The following PTPRN2 variants were observed in gnomAD, a reference collection of about 807,000 sequenced individuals.
PTPRN2 encodes the protein protein tyrosine phosphatase receptor type N2, also known as receptor-type tyrosine-protein phosphatase N2.
PTPRN2 carries 74 observed loss-of-function variants against 118.8 expected under a neutral mutation model. The ratio of observed to expected loss-of-function variants is 0.62; its 90% CI spans 0.52 to 0.76. PTPRN2 has a LOEUF of 0.76. PTPRN2 is among the 30% of genes least tolerant of loss of function. The probability of loss-of-function intolerance (pLI) is 0.00; values close to 1 mark genes in which losing one functional copy is unlikely to be tolerated. For synonymous variants in PTPRN2, 641 were observed against 608.0 expected (o/e 1.05, Z -0.80); for missense variants, 1,481 against 1,394.4 (o/e 1.06, Z -0.99).
chr7:158,566,378 C>T (rs1299513227), intron 1 of PTPRN2, among the ~76,000 whole-genome samples: 1 of 151,996 alleles, frequency 6.6e-6, no homozygotes, highest in African/African-American at 2.4e-5. Context: ...AGTGGCCAAG[C>T]TTTAGCTCCT....
At chr7:158,234,035 G>A (rs193139034) in intron 3 of PTPRN2, among the ~76,000 whole-genome samples, 1 of 152,174 alleles carries the variant, frequency 6.6e-6, no homozygotes, top group African/African-American at 2.4e-5. Flanking sequence ...AAAACACTAA[G>A]GAAACACTCC....
chr7:157,910,806 A>C (rs1245265387), intron 11 of PTPRN2, among the ~76,000 whole-genome samples: 3 of 152,356 alleles, frequency 2.0e-5, no homozygotes, highest in Middle Eastern at 3.4e-3. Context: ...CGCGGCAACA[A>C]CACAAAACAC....
chr7:158,577,283 C>G (rs1586973090), intron 1 of PTPRN2, among the ~76,000 whole-genome samples: 3 of 117,076 alleles, frequency 2.6e-5, no homozygotes, highest in Admixed American at 1.7e-4. Context: ...ACTGAGGGCT[C>G]CCCACCCTGC....
Position 158,438,638 on chromosome 7 carries a change from C to T in PTPRN2, c.163+51097G>A, listed in dbSNP as rs1180054897. On this transcript the variant is annotated intron_variant, in intron 2 of 22. Transcript: ENST00000389418. The surrounding 1 kb of genome is among the most constrained non-coding windows in gnomAD (Gnocchi z 4.7). Reference sequence around the variant, plus strand: ...TAGCCAAGAGAAGGTCAGTTCTGATCGTTGTTGATTTTCCTGGAATTTGCT... The same window carrying T: ...TAGCCAAGAGAAGGTCAGTTCTGATTGTTGTTGATTTTCCTGGAATTTGCT... Among the ~76,000 whole-genome samples, 2 of 152,110 alleles carry T rather than the reference C, an allele frequency of 1.3e-5. No homozygotes were observed. The highest frequency in any genetic ancestry group is 2.4e-5 in the African/African-American group (1 of 41,422).
intron 2 of PTPRN2, among the ~76,000 whole-genome samples, chr7:158,394,345 G>A (rs1397382609): frequency 6.6e-6 from 1 of 152,184 alleles, no homozygotes; most frequent in African/African-American, 2.4e-5. Flanking sequence ...ATCCATGGCT[G>A]CTTTCAGGGC....
chr7:158,331,127 TAA>T (rs2151155642), intron 2 of PTPRN2, among the ~76,000 whole-genome samples: 1 of 141,620 alleles, frequency 7.1e-6, no homozygotes, highest in African/African-American at 2.7e-5. Context: ...ACTCTCACCA[TAA>T]GAGCTGACGC....
intron 3 of PTPRN2, among the ~76,000 whole-genome samples, chr7:158,241,871 G>C (rs1795923088): frequency 6.6e-6 from 1 of 152,180 alleles, no homozygotes; most frequent in Admixed American, 6.5e-5. Context: ...TTCCCACAAA[G>C]TGCATATGGT....
chr7:158,437,272 T>A (rs534854728), intron 2 of PTPRN2, among the ~76,000 whole-genome samples: 108 of 152,366 alleles, frequency 7.1e-4, no homozygotes, highest in African/African-American at 2.6e-3. Context: ...AGCTCTAGAA[T>A]TTCCATTTGA....
rs907360070 is a variant in PTPRN2 at position 157,609,180 on chromosome 7, C to G, written c.2345-5105G>C. Among the ~76,000 whole-genome samples, 3 of 152,216 alleles carry G rather than the reference C, an allele frequency of 2.0e-5. No individual in the cohort carries two copies. Among genetic ancestry groups the G allele is most frequent in the Admixed American group, 2.0e-4 (3 of 15,286 alleles). On this transcript the variant is annotated intron_variant, in intron 15 of 22. Coordinates refer to ENST00000389418, the MANE Select transcript of PTPRN2 (RefSeq NM_002847.5). This position sits in a 1 kb window ranked among gnomAD's most constrained non-coding sequence, Gnocchi z 4.9. ...GGTGGATCACCTGAGGTCAGGAGTT[C>G]GAGACCAGTCTGGCCAAAGTGGCAA... is the stretch of plus-strand genomic sequence containing the variant.
chr7:158,523,927 G>A (rs1183765176), intron 1 of PTPRN2, among the ~76,000 whole-genome samples: 8 of 37,178 alleles, frequency 2.2e-4, no homozygotes, highest in Non-Finnish European at 4.0e-4. Flanking sequence ...GCCCTGGAGC[G>A]GAGTCTGCCC....
At chr7:158,274,397 G>GGAGACACACGA (rs1798811304) in intron 3 of PTPRN2, among the ~76,000 whole-genome samples, 1 of 124,578 alleles carries the variant, frequency 8.0e-6, no homozygotes. Flanking sequence ...CAGGCACAGG[G>GGAGACACACGA]GGAGCCACAG....
chr7:157,596,747 G>A lies in PTPRN2; in HGVS notation c.2419-1432C>T, dbSNP rs748880169. Reference sequence around the variant, plus strand: ...GGAACCTCACCTTGGGGAGGCAGCCGCTTGTGCATCTGACGCACAGTCCTT... The same window carrying A: ...GGAACCTCACCTTGGGGAGGCAGCCACTTGTGCATCTGACGCACAGTCCTT... On this transcript the variant is annotated intron_variant, in intron 16 of 22. Transcript: ENST00000389418. The surrounding 1 kb of genome is among the most constrained non-coding windows in gnomAD (Gnocchi z 4.2). 2.6e-5 allele frequency among the ~76,000 whole-genome samples: 4 copies of A among 152,198 alleles called. No individual in the cohort carries two copies. Among genetic ancestry groups the A allele is most frequent in the Non-Finnish European group, 4.4e-5 (3 of 68,042 alleles).
Position 158,548,005 on chromosome 7 carries a change from C to T in PTPRN2, c.112+39553G>A, listed in dbSNP as rs377164214. ...CAGGGGTGGCCGAGGACCTGGATCC[C>T]GGGGCTGTGCCATCCCTGCCTCCAG... On this transcript the variant is annotated intron_variant, in intron 1 of 22. Transcript: ENST00000389418. Among the ~76,000 whole-genome samples the T allele has an allele frequency of 5.3e-5, 8 of 152,334 alleles. No homozygotes were observed. The East Asian group carries it at 5.8e-4, about 11-fold the overall frequency.
intron 2 of PTPRN2, among the ~76,000 whole-genome samples, chr7:158,337,303 C>CCT (rs1301408304): frequency 8.7e-6 from 1 of 114,360 alleles, no homozygotes; most frequent in South Asian, 2.9e-4. Flanking sequence ...AGAGCTGTCA[C>CCT]GCACAGACAT....
At chr7:158,463,841 C>T (rs941722868) in intron 2 of PTPRN2, among the ~76,000 whole-genome samples, 6 of 143,852 alleles carry the variant, frequency 4.2e-5, no homozygotes, top group African/African-American at 1.0e-4. Flanking sequence ...TCCTTACCAT[C>T]ACCATCATTG....
At chr7:157,827,066 C>T (rs1219322247) in intron 12 of PTPRN2, among the ~76,000 whole-genome samples, 1 of 152,108 alleles carries the variant, frequency 6.6e-6, no homozygotes, top group Non-Finnish European at 1.5e-5. Context: ...GTTCTCTGGT[C>T]CTAACACAAC....
chr7:158,172,074 G>T (rs926087230), intron 5 of PTPRN2, among the ~76,000 whole-genome samples: 2 of 152,054 alleles, frequency 1.3e-5, no homozygotes, highest in African/African-American at 4.8e-5. Context: ...TATTCTACTG[G>T]GAATATTCTT....
At chr7:157,909,940 G>A (rs1797988946) in intron 11 of PTPRN2, among the ~76,000 whole-genome samples, 1 of 152,220 alleles carries the variant, frequency 6.6e-6, no homozygotes, top group Admixed American at 6.5e-5. Context: ...CCTAGTGGCA[G>A]CGTTAAAGCA....
intron 8 of PTPRN2, 80 bp from the exon 9 acceptor site, chr7:158,134,139 C>A: frequency 6.7e-7 from 1 of 1,486,806 alleles, no homozygotes; most frequent in South Asian, 1.3e-5. Context: ...CTGCCCGGGA[C>A]AGAGTCACTG....
Sources: allele counts gnomAD v4.1 joint callset (sites outside exome capture counted in the v4.1 genomes callset), GRCh38; gene constraint gnomAD v4.1.1; non-coding constraint Gnocchi (gnomAD v3.1); transcripts MANE v1.5; gene names NCBI Gene and HGNC (gene_info 2026-07-23, HGNC 2026-07-21).